The following ATP5PD variants were observed in gnomAD, a reference collection of about 807,000 sequenced individuals.
ATP5PD encodes the protein ATP synthase peripheral stalk subunit d, mitochondrial.
A neutral mutation model predicts 22.6 loss-of-function variants in ATP5PD; 13 were observed. That is an observed-to-expected ratio of 0.58 (90% confidence interval 0.37 to 0.91). The LOEUF (loss-of-function observed/expected upper bound fraction) is 0.91. Among genes scored for constraint, ATP5PD ranks in the 40% least tolerant of loss-of-function variants. The probability of loss-of-function intolerance (pLI) is 0.00; values close to 1 mark genes in which losing one functional copy is unlikely to be tolerated. For synonymous variants in ATP5PD, 51 were observed against 65.0 expected, an observed-to-expected ratio of 0.79 and a Z score of 1.03; for missense variants, 165 against 188.0, an observed-to-expected ratio of 0.88 and a Z score of 0.72.
intron 4 of ATP5PD, 122 bp from the exon 5 acceptor site, chr17:75,039,393 T>A: frequency 1.2e-6 from 1 of 851,224 alleles, no homozygotes; most frequent in Non-Finnish European, 1.9e-6. Context: ...AAACTGTGGT[T>A]ACCCTGAGTG....
chr17:75,044,966 C>T (rs1345136369), intron 1 of ATP5PD, among the ~76,000 whole-genome samples: 2 of 152,148 alleles, frequency 1.3e-5, no homozygotes, highest in African/African-American at 4.8e-5. Context: ...TACCAGGGAA[C>T]CAAGCACCCT....
chr17:75,045,697 T>C (rs2073208141), intron 1 of ATP5PD, among the ~76,000 whole-genome samples: 1 of 152,266 alleles, frequency 6.6e-6, no homozygotes, highest in Admixed American at 6.5e-5. Flanking sequence ...GCTGTTATCC[T>C]GTTCTTTTTT....
At chr17:75,045,599 T>G (rs1349411796) in intron 1 of ATP5PD, among the ~76,000 whole-genome samples, 1 of 152,266 alleles carries the variant, frequency 6.6e-6, no homozygotes, top group African/African-American at 2.4e-5. Flanking sequence ...TTCTCCCATT[T>G]GCTTTTGAAG....
At chr17:75,042,783 C>T in intron 1 of ATP5PD, 124 bp from the exon 2 acceptor site, 1 of 1,027,956 alleles carries the variant, frequency 9.7e-7, no homozygotes, top group Non-Finnish European at 1.4e-6. Flanking sequence ...ACATGCAAGT[C>T]TTCACAAGAA....
intron 1 of ATP5PD, among the ~76,000 whole-genome samples, chr17:75,042,889 AG>A (rs1317865396): frequency 6.6e-6 from 1 of 152,142 alleles, no homozygotes; most frequent in African/African-American, 2.4e-5. Flanking sequence ...TCAAAAAAAA[AG>A]AAAAAAAGAC....
rs1242869347 is a variant in ATP5PD at position 75,038,980 on chromosome 17, G to C, written c.438C>G (p.Asp146Glu). 5 of 1,614,052 alleles carry C rather than the reference G, an allele frequency of 3.1e-6. No homozygotes were observed. The highest frequency in any genetic ancestry group is 4.2e-6 in the Non-Finnish European group (5 of 1,179,970). Residue 146 changes from aspartate (D) to glutamate (E), a missense_variant, in exon 6 of 6, where the codon GAC (aspartate) becomes GAG (glutamate). By Grantham distance (45) the Asp-to-Glu change is conservative. Coordinates refer to ENST00000301587, the MANE Select transcript of ATP5PD (RefSeq NM_006356.3). Reference sequence around the variant, plus strand: ...GAGGCCAATAGGGATACTTTTTCTTGTCTAATTTGGTTTCTGGGAAAGCTT... The same window carrying C: ...GAGGCCAATAGGGATACTTTTTCTTCTCTAATTTGGTTTCTGGGAAAGCTT... ...LNEAFPETKL[D>E]KKKYPYWPHQ...
intron 4 of ATP5PD, 197 bp downstream of exon 4, chr17:75,039,895 T>A: frequency 1.6e-6 from 1 of 635,848 alleles, no homozygotes; most frequent in Non-Finnish European, 2.7e-6. Flanking sequence ...TATGCTATAC[T>A]CTTCTTTTTC....
intron 2 of ATP5PD, 42 bp from the exon 3 acceptor site, chr17:75,042,319 A>G (rs965130437): frequency 6.3e-7 from 1 of 1,597,392 alleles, no homozygotes; most frequent in African/African-American, 1.3e-5. Context: ...GTTCATAAGC[A>G]GTAGAAAATT....
chr17:75,043,469 C>T (rs1041020624), intron 1 of ATP5PD, among the ~76,000 whole-genome samples: 1 of 151,986 alleles, frequency 6.6e-6, no homozygotes, highest in African/African-American at 2.4e-5. Flanking sequence ...AAAAATTAGC[C>T]GGGCGTGATG....
chr17:75,039,873 A>G (rs1340617137), intron 4 of ATP5PD: 7 of 573,582 alleles, frequency 1.2e-5, no homozygotes, highest in African/African-American at 3.8e-5. Context: ...GAGTCTTACA[A>G]AGATGGAATC....
At chr17:75,044,736 T>C (rs1212336567) in intron 1 of ATP5PD, among the ~76,000 whole-genome samples, 1 of 151,790 alleles carries the variant, frequency 6.6e-6, no homozygotes, top group Non-Finnish European at 1.5e-5. Flanking sequence ...TATAGGAAAA[T>C]AGTCCTCTTT....
chr17:75,043,625 A>C (rs1001897919), intron 1 of ATP5PD, among the ~76,000 whole-genome samples: 50 of 151,828 alleles, frequency 3.3e-4, no homozygotes, highest in Non-Finnish European at 2.5e-4. Flanking sequence ...AAAAAAAAAA[A>C]AAACAAACCC....
At chr17:75,040,221 T>C in intron 3 of ATP5PD, 58 bp from the exon 4 acceptor site, 2 of 1,605,918 alleles carry the variant, frequency 1.2e-6, no homozygotes, top group Non-Finnish European at 1.7e-6. Context: ...ACAAGGACAG[T>C]GAGTCGTCGC....
intron 1 of ATP5PD, among the ~76,000 whole-genome samples, chr17:75,044,199 ATT>A (rs755560156): frequency 1.5e-4 from 14 of 94,660 alleles, no homozygotes; most frequent in Non-Finnish European, 1.5e-4. Flanking sequence ...TAATTTTTGT[ATT>A]TTTTTTTTTT....
rs182228235 is a variant in ATP5PD at position 75,046,005 on chromosome 17, C to T, written c.-10+920G>A. Among the ~76,000 whole-genome samples the T allele has an allele frequency of 1.4e-3, 207 of 152,324 alleles. 1 individual carries two copies. Among genetic ancestry groups the T allele is most frequent in the African/African-American group, 4.6e-3 (192 of 41,574 alleles). ...ATCTTCACAATCCACGTTCTTCTGC[C>T]ATGGTTTCAGCCGGTCTCTCTGTTT... is the stretch of plus-strand genomic sequence containing the variant. On this transcript the variant is annotated intron_variant, in intron 1 of 5. Coordinates refer to ENST00000301587, the MANE Select transcript of ATP5PD (RefSeq NM_006356.3).
At position 75,040,166 on chromosome 17, in the gene ATP5PD, A is replaced by G; in HGVS notation, c.220-3T>C. Reference sequence around the variant, plus strand: ...ACGGGAACCTTCAGCGCATTAAACTACAAACACAAGGGCACGGGAACCTTC... The same window carrying G: ...ACGGGAACCTTCAGCGCATTAAACTGCAAACACAAGGGCACGGGAACCTTC... On this transcript the variant is annotated splice_region_variant and splice_polypyrimidine_tract_variant and intron_variant, in intron 3 of 5. Coordinates refer to ENST00000301587, the MANE Select transcript of ATP5PD (RefSeq NM_006356.3). 6.2e-7 allele frequency: 1 copy of G among 1,611,548 alleles called. No individual in the cohort carries two copies. Among genetic ancestry groups the G allele is most frequent in the Non-Finnish European group, 8.5e-7 (1 of 1,179,598 alleles).
Position 75,038,912 on chromosome 17 carries a change from G to A in ATP5PD, c.*20C>T, listed in dbSNP as rs1222071351. The stretch of plus-strand genomic sequence containing the variant: ...CAGAATGTGTAATACAAGGGCCAGA[G>A]CTTCCTCCTGGACTCAATTTTATAA... On this transcript the variant is annotated 3_prime_UTR_variant, in exon 6 of 6. Coordinates refer to ENST00000301587, the MANE Select transcript of ATP5PD (RefSeq NM_006356.3). 28 of 1,608,586 alleles carry A rather than the reference G, an allele frequency of 1.7e-5. No homozygotes were observed. The highest frequency in any genetic ancestry group is 1.9e-5 in the Non-Finnish European group (22 of 1,178,050).
intron 1 of ATP5PD, among the ~76,000 whole-genome samples, chr17:75,046,384 AT>A (rs932125550): frequency 4.6e-5 from 7 of 152,074 alleles, no homozygotes; most frequent in Admixed American, 2.6e-4. Context: ...GCCCGGCGAA[AT>A]TTTTTTTAAT....
intron 1 of ATP5PD, among the ~76,000 whole-genome samples, chr17:75,044,127 C>T (rs796603439): frequency 1.9e-4 from 29 of 150,488 alleles, no homozygotes; most frequent in African/African-American, 6.7e-4. Flanking sequence ...CAGGCTCAAG[C>T]GATTCTCCTG....
Sources: allele counts gnomAD v4.1 joint callset (sites outside exome capture counted in the v4.1 genomes callset), GRCh38; gene constraint gnomAD v4.1.1; transcripts MANE v1.5; gene names NCBI Gene and HGNC (gene_info 2026-07-23, HGNC 2026-07-21).